DRP2: variants seen among roughly 807,000 people sequenced by gnomAD.
DRP2 encodes dystrophin-related protein 2.
DRP2 carries 29 observed loss-of-function variants against 78.2 expected under a neutral mutation model. That is an observed-to-expected ratio of 0.37 (90% CI 0.28 to 0.51). The LOEUF is 0.51. Ranked by LOEUF, DRP2 falls within the 20% of genes least tolerant of loss-of-function variation. The pLI is 0.94. For synonymous variants in DRP2, 290 were observed against 281.9 expected, an observed-to-expected ratio of 1.03 and a Z score of -0.29; for missense variants, 686 against 770.6, an observed-to-expected ratio of 0.89 and a Z score of 1.30.
chrX:101,247,237 A>C, intron 12 of DRP2, 73 bp downstream of exon 12: 1 of 987,066 alleles, frequency 1.0e-6, no homozygotes, highest in Non-Finnish European at 1.4e-6. Context: ...GCTGTTTCTC[A>C]TTTTCCTCCC....
At chrX:101,224,936 A>G (rs757062474) in intron 2 of DRP2, among the ~76,000 whole-genome samples, 6 of 112,474 alleles carry the variant, frequency 5.3e-5, no homozygotes, top group Non-Finnish European at 1.1e-4. Context: ...ATTGCAAACA[A>G]TACTGCAGCA....
At chrX:101,227,239 G>A (rs1922151731) in intron 2 of DRP2, among the ~76,000 whole-genome samples, 1 of 111,928 alleles carries the variant, frequency 8.9e-6, no homozygotes, top group Non-Finnish European at 1.9e-5. Context: ...CGTATGGTAT[G>A]AATAATTTTC....
At chrX:101,236,621 C>T (rs1288512165) in intron 4 of DRP2, among the ~76,000 whole-genome samples, 2 of 111,879 alleles carry the variant, frequency 1.8e-5, no homozygotes, top group African/African-American at 6.5e-5. Context: ...CTTTTTTTCT[C>T]CACCCTCTAT....
At chrX:101,238,932 T>A in intron 5 of DRP2, 49 bp from the exon 6 acceptor site, 2 of 1,190,426 alleles carry the variant, frequency 1.7e-6, no homozygotes, top group Non-Finnish European at 2.3e-6. Flanking sequence ...GAATGTAAAG[T>A]GATTGAAAAA....
chrX:101,243,059 C>T (rs147931417), intron 9 of DRP2, 77 bp downstream of exon 9: 16,243 of 960,450 alleles, frequency 0.017, 118 homozygotes, highest in Middle Eastern at 0.06. Context: ...TCCCCTGGGG[C>T]CCTGGTGGGA....
chrX:101,253,736 C>G (rs1024307601), intron 17 of DRP2, among the ~76,000 whole-genome samples: 1 of 108,485 alleles, frequency 9.2e-6, no homozygotes, highest in African/African-American at 3.4e-5. Flanking sequence ...GCTTTCATCT[C>G]TTCAAATCCT....
chrX:101,232,432 A>G (rs754186199), intron 3 of DRP2, among the ~76,000 whole-genome samples: 2 of 111,252 alleles, frequency 1.8e-5, no homozygotes, highest in East Asian at 5.7e-4. Flanking sequence ...TTGCCCTACA[A>G]TGCTTTGGGG....
chrX:101,229,172 C>A (rs927741072), intron 2 of DRP2, among the ~76,000 whole-genome samples: 2 of 111,551 alleles, frequency 1.8e-5, no homozygotes, highest in Non-Finnish European at 3.8e-5. Context: ...ACATGTATTA[C>A]TTCTATAATC....
At chrX:101,239,995 A>G (rs1466712152) in intron 6 of DRP2, among the ~76,000 whole-genome samples, 1 of 111,167 alleles carries the variant, frequency 9.0e-6, no homozygotes, top group Non-Finnish European at 1.9e-5. Flanking sequence ...GTGAGCTATG[A>G]TTGCTCCACT....
chrX:101,248,130 G>T lies in DRP2; in HGVS notation c.1294G>T (p.Glu432Ter), dbSNP rs759517614. 4.1e-5 allele frequency: 50 copies of T among 1,209,536 alleles called. No individual in the cohort carries two copies. The Admixed American group carries it at 1.0e-3, about 25-fold the overall frequency. ...TLTTALEIFN[E>*]HDLQASEHVM... Reference sequence around the variant, plus strand: ...AACCACAGCCCTGGAAATCTTCAATGAGCATGATCTGCAGGCCAGTGAGCA... The same window carrying T: ...AACCACAGCCCTGGAAATCTTCAATTAGCATGATCTGCAGGCCAGTGAGCA... Residue 432 changes from glutamate (E) to a stop codon, truncating the protein, a stop_gained, in exon 13 of 24, where the codon GAG (glutamate) becomes TAG (stop). Transcript: ENST00000395209. LOFTEE classifies it high-confidence loss of function.
chrX:101,247,259 G>A (rs1335236105), intron 12 of DRP2, 95 bp downstream of exon 12: 9 of 838,348 alleles, frequency 1.1e-5, no homozygotes, highest in Non-Finnish European at 1.5e-5. Flanking sequence ...CCTTGGCAAA[G>A]GTTGTTGATT....
intron 18 of DRP2, 24 bp from the exon 19 acceptor site, chrX:101,254,835 C>T (rs747403367): frequency 1.9e-5 from 23 of 1,209,257 alleles, no homozygotes; most frequent in East Asian, 1.8e-4. Flanking sequence ...TTTGGTCCTC[C>T]GAGTCTTTGC....
intron 14 of DRP2, among the ~76,000 whole-genome samples, chrX:101,249,253 G>A (rs1261338660): frequency 1.8e-5 from 2 of 112,028 alleles, no homozygotes; most frequent in Non-Finnish European, 3.8e-5. Context: ...TACACAGAAA[G>A]CATTTTTTAG....
At chrX:101,226,501 C>T (rs1487969036) in intron 2 of DRP2, among the ~76,000 whole-genome samples, 3 of 111,703 alleles carry the variant, frequency 2.7e-5, no homozygotes, top group Non-Finnish European at 5.6e-5. Flanking sequence ...ATGCTGAAAT[C>T]CTAATATCTC....
chrX:101,221,304 G>A (rs1226153420), intron 1 of DRP2, among the ~76,000 whole-genome samples: 2 of 113,141 alleles, frequency 1.8e-5, no homozygotes, highest in African/African-American at 6.4e-5. Flanking sequence ...CTAGATGAAA[G>A]GCCCTCAGGT....
Position 101,248,614 on chromosome X carries a change from A to G in DRP2, c.1540+15A>G, listed in dbSNP as rs1467053609. On this transcript the variant is annotated intron_variant, in intron 14 of 23. Transcript: ENST00000395209. ...AAAACTTCAGTGTGAGTAGAACTCC[A>G]AAGTGTGGAGTGGTGTTGGGTAGAG... 1 of 1,198,384 alleles carries G rather than the reference A, an allele frequency of 8.3e-7. No individual in the cohort carries two copies. The highest frequency in any genetic ancestry group is 1.1e-6 in the Non-Finnish European group (1 of 883,403).
chrX:101,241,790 C>A lies in DRP2; in HGVS notation c.682C>A (p.Arg228=). 8.3e-7 allele frequency: 1 copy of A among 1,211,366 alleles called. No individual in the cohort carries two copies. Among genetic ancestry groups the A allele is most frequent in the East Asian group, 3.0e-5 (1 of 33,815 alleles). ...TGTGGACCAGCACCGTCACATTGAG[C>A]GGACTCTGGAGCAGCTCTTGGAGAT... The part of the protein sequence containing the change: ...RCVDQHRHIE[R]TLEQLLEIQG... The change falls in exon 7 of 24, where the codon CGG becomes AGG. Residue 228 remains arginine, a synonymous_variant. Transcript: ENST00000395209.
At chrX:101,235,761 C>T in intron 3 of DRP2, 99 bp from the exon 4 acceptor site, 2 of 892,937 alleles carry the variant, frequency 2.2e-6, no homozygotes, top group Non-Finnish European at 3.1e-6. Flanking sequence ...TGGCAGCAAC[C>T]CTTCTCTCCC....
intron 22 of DRP2, among the ~76,000 whole-genome samples, chrX:101,259,494 A>G (rs1322961591): frequency 9.0e-6 from 1 of 110,803 alleles, no homozygotes; most frequent in Non-Finnish European, 1.9e-5. Flanking sequence ...TATTTAATTA[A>G]TTAATTAATT....
Sources: gnomAD v4.1 joint callset for allele counts (sites outside exome capture counted in the v4.1 genomes callset) on GRCh38, gnomAD v4.1.1 for gene constraint, MANE v1.5 for transcripts, NCBI Gene and HGNC (gene_info 2026-07-23, HGNC 2026-07-21) for gene names.